Variants in RAMP3 observed in about 807,000 individuals in gnomAD.
RAMP3 encodes receptor activity-modifying protein 3.
A neutral mutation model predicts 13.5 loss-of-function variants in RAMP3; 14 were observed. That is an observed-to-expected ratio of 1.04 (90% CI 0.69 to 1.63). The LOEUF (loss-of-function observed/expected upper bound fraction) is 1.63. RAMP3 is among the 40% of genes most tolerant of loss of function. RAMP3 has a pLI of 0.00. For missense variants in RAMP3, 200 were observed against 204.8 expected (o/e 0.98, Z 0.14); for synonymous variants, 106 against 88.3 (o/e 1.20, Z -1.12).
intron 1 of RAMP3, among the ~76,000 whole-genome samples, chr7:45,159,331 T>TCCCAG (rs1785821758): frequency 1.3e-5 from 2 of 152,222 alleles, no homozygotes; most frequent in African/African-American, 4.8e-5. Context: ...CAGGCCGATG[T>TCCCAG]GTCAGAGGTA....
rs202215952 is a variant in RAMP3, at chr7:45,183,313, C to T, written c.348C>T (p.Asp116=). 152 of 1,614,016 alleles carry T rather than the reference C, an allele frequency of 9.4e-5. No individual in the cohort carries two copies. The highest frequency in any genetic ancestry group is 1.2e-4 in the Non-Finnish European group (140 of 1,180,048). Residue 116 remains aspartate, a synonymous_variant, in exon 3 of 3, where the codon GAC becomes GAT. Coordinates refer to ENST00000242249, the MANE Select transcript of RAMP3 (RefSeq NM_005856.3). Reference sequence around the variant, plus strand: ...GGGTCCACTTGGAGGACCCCCCAGACGAGGTTCTCATCCCGCTGATCGTTA... The same window carrying T: ...GGGTCCACTTGGAGGACCCCCCAGATGAGGTTCTCATCCCGCTGATCGTTA... ...VDRVHLEDPP[D]EVLIPLIVIP...
chr7:45,171,148 A>T (rs1584071039), intron 1 of RAMP3, among the ~76,000 whole-genome samples: 6 of 141,598 alleles, frequency 4.2e-5, no homozygotes, highest in African/African-American at 5.2e-5. Context: ...TCCATCTTTG[A>T]TTTCCTTCTT....
chr7:45,166,401 C>T (rs946444522), intron 1 of RAMP3, among the ~76,000 whole-genome samples: 12 of 152,094 alleles, frequency 7.9e-5, no homozygotes, highest in Non-Finnish European at 2.9e-5. Context: ...TTTGCATTTC[C>T]CTGATGGTTA....
intron 1 of RAMP3, among the ~76,000 whole-genome samples, chr7:45,160,452 T>C (rs1264147097): frequency 6.9e-6 from 1 of 145,910 alleles, no homozygotes; most frequent in Non-Finnish European, 1.5e-5. Flanking sequence ...CTGACCTCCA[T>C]GCTCTTACCT....
chr7:45,183,680 A>G lies in RAMP3; in HGVS notation c.*268A>G, dbSNP rs918728159. ...AGGCCAGAGCTTGTGTGCTGGGCAC[A>G]GAAATCACCTGCTGCATCCTGTGCT... On this transcript the variant is annotated 3_prime_UTR_variant, in exon 3 of 3. Coordinates refer to ENST00000242249, the MANE Select transcript of RAMP3 (RefSeq NM_005856.3). 4 of 591,868 alleles carry G rather than the reference A, an allele frequency of 6.8e-6. No individual in the cohort carries two copies. In the Admixed American group the frequency reaches 8.9e-5, roughly 13 times the overall value. The allele number at this position is 591,868 out of a possible 1,614,324, so 36.7% of individuals were successfully genotyped here.
intron 1 of RAMP3, among the ~76,000 whole-genome samples, chr7:45,167,118 C>A (rs11770845): frequency 0.26 from 39,843 of 151,932 alleles, 6,340 homozygotes; most frequent in African/African-American, 0.44. Context: ...CTACCTCGCC[C>A]GGCTAATTTT....
intron 1 of RAMP3, among the ~76,000 whole-genome samples, chr7:45,170,939 T>A (rs74719291): frequency 3.3e-5 from 5 of 151,986 alleles, no homozygotes; most frequent in African/African-American, 1.2e-4. Flanking sequence ...TTTTTTTTTT[T>A]AATATAAGTT....
intron 1 of RAMP3, among the ~76,000 whole-genome samples, chr7:45,173,677 T>A (rs1191132252): frequency 3.7e-4 from 1 of 2,690 alleles, no homozygotes; most frequent in Non-Finnish European, 6.7e-4. Context: ...TGGAGCTGAC[T>A]GCCCACTGGG....
intron 1 of RAMP3, among the ~76,000 whole-genome samples, chr7:45,159,813 C>A (rs1420762236): frequency 6.6e-6 from 1 of 152,232 alleles, no homozygotes; most frequent in African/African-American, 2.4e-5. Flanking sequence ...TATGGGAAGG[C>A]ACCCACCAGT....
chr7:45,168,495 CT>C (rs1184402188), intron 1 of RAMP3, among the ~76,000 whole-genome samples: 1 of 147,758 alleles, frequency 6.8e-6, no homozygotes, highest in Non-Finnish European at 1.5e-5. Context: ...ATACTTATTA[CT>C]AAGAATTTTA....
At chr7:45,180,291 T>G (rs1294931) in intron 2 of RAMP3, among the ~76,000 whole-genome samples, 1 of 152,072 alleles carries the variant, frequency 6.6e-6, no homozygotes, top group Admixed American at 6.5e-5. Flanking sequence ...CCTGACATGG[T>G]GACTGCCTGC....
chr7:45,164,113 C>T (rs1008544209), intron 1 of RAMP3, among the ~76,000 whole-genome samples: 1 of 152,168 alleles, frequency 6.6e-6, no homozygotes, highest in Non-Finnish European at 1.5e-5. Context: ...TGGTGTGTAC[C>T]CCACCCTTCC....
At chr7:45,163,231 A>G (rs952126402) in intron 1 of RAMP3, 2 of 985,396 alleles carry the variant, frequency 2.0e-6, no homozygotes, top group East Asian at 1.1e-4. Flanking sequence ...GGCTGCCCTG[A>G]AAGATGACAG....
intron 1 of RAMP3, among the ~76,000 whole-genome samples, chr7:45,166,667 G>A (rs926215523): frequency 2.0e-5 from 3 of 152,066 alleles, no homozygotes; most frequent in Non-Finnish European, 1.5e-5. Flanking sequence ...AATTTGACGT[G>A]TCTAATTTAT....
intron 1 of RAMP3, among the ~76,000 whole-genome samples, chr7:45,175,430 A>C (rs548696855): frequency 1.3e-5 from 2 of 152,280 alleles, no homozygotes; most frequent in African/African-American, 4.8e-5. Context: ...CATGGACAGA[A>C]GGGGAGATGT....
intron 1 of RAMP3, among the ~76,000 whole-genome samples, 177 bp from the exon 2 acceptor site, chr7:45,177,132 C>T (rs1202771017): frequency 6.6e-6 from 1 of 152,240 alleles, no homozygotes; most frequent in Non-Finnish European, 1.5e-5. Context: ...TGTGGAGCCT[C>T]CTTTCTGCAC....
At position 45,157,895 on chromosome 7, in the gene RAMP3, G is replaced by T; in HGVS notation, c.58+9G>T. On this transcript the variant is annotated intron_variant, in intron 1 of 2. Transcript: ENST00000242249. ...GCTGCTGCTGCTCTGCGGTAAGGGG[G>T]CGACGGCCCGCACCGGGGGCGCCCC... 7.4e-7 allele frequency: 1 copy of T among 1,359,586 alleles called. No individual in the cohort carries two copies. Among genetic ancestry groups the T allele is most frequent in the Non-Finnish European group, 9.4e-7 (1 of 1,061,414 alleles). The allele number at this position is 1,359,586 out of a possible 1,614,324, so 84.2% of individuals were successfully genotyped here.
intron 1 of RAMP3, among the ~76,000 whole-genome samples, chr7:45,173,885 G>A (rs1324325921): frequency 6.6e-6 from 1 of 152,166 alleles, no homozygotes; most frequent in East Asian, 1.9e-4. Flanking sequence ...TGCTGCTGTG[G>A]ACCTCCTGAC....
At position 45,183,488 on chromosome 7, in the gene RAMP3, T is replaced by A; in HGVS notation, c.*76T>A. ...CCCTGGGGATGGGAGAGCGGGTGGG[T>A]GCTGCCAATCTCCAGCTACTGTGGC... On this transcript the variant is annotated 3_prime_UTR_variant, in exon 3 of 3. Coordinates refer to ENST00000242249, the MANE Select transcript of RAMP3 (RefSeq NM_005856.3). 1 of 1,570,234 alleles carries A rather than the reference T, an allele frequency of 6.4e-7. No homozygotes were observed. The highest frequency in any genetic ancestry group is 1.1e-5 in the South Asian group (1 of 87,968).
Sources: allele counts gnomAD v4.1 joint callset (sites outside exome capture counted in the v4.1 genomes callset), GRCh38; gene constraint gnomAD v4.1.1; transcripts MANE v1.5; gene names NCBI Gene and HGNC (gene_info 2026-07-23, HGNC 2026-07-21).